The following AJUBA variants were observed in gnomAD, a reference collection of about 807,000 sequenced individuals.
AJUBA encodes the protein ajuba LIM protein, also known as LIM domain-containing protein ajuba.
AJUBA carries 20 observed loss-of-function variants against 53.3 expected under a neutral mutation model. That is an observed-to-expected ratio of 0.38 (90% CI 0.26 to 0.55). The LOEUF (loss-of-function observed/expected upper bound fraction) is 0.55. AJUBA is among the 20% of genes least tolerant of loss of function. The pLI is 0.80. For missense variants in AJUBA, 580 were observed against 730.5 expected, an observed-to-expected ratio of 0.79 and a Z score of 2.38; for synonymous variants, 296 against 306.2, an observed-to-expected ratio of 0.97 and a Z score of 0.35.
rs778036002 is a variant in AJUBA, at chr14:22,981,921, G to A, written c.346C>T (p.Pro116Ser). 2 of 1,555,194 alleles carry A rather than the reference G, an allele frequency of 1.3e-6. No homozygotes were observed. Among genetic ancestry groups the A allele is most frequent in the South Asian group, 1.2e-5 (1 of 84,528 alleles). ...AAGCTAGAGCGGGGGCTGAGGGCCG[G>A]GGCCGTGGGCTCCAGCCGAAAATCG... Reference protein sequence around the residue: ...PPDFRLEPTAPALSPRSSFAS... With the variant: ...PPDFRLEPTASALSPRSSFAS... The change falls in exon 1 of 8, where the codon CCG (proline) becomes TCG (serine). Residue 116 changes from proline to serine, a missense_variant. Pro to Ser is a moderately conservative substitution (Grantham distance 74, BLOSUM62 -1). This residue lies in a region of AJUBA where 430 missense variants were observed against 471.5 expected (regional missense o/e 0.91). Coordinates refer to ENST00000262713, the MANE Select transcript of AJUBA (RefSeq NM_032876.6).
At chr14:22,974,136 T>G (rs201260056) in intron 6 of AJUBA, 21 bp from the exon 7 acceptor site, 1 of 1,613,856 alleles carries the variant, frequency 6.2e-7, no homozygotes, top group African/African-American at 1.3e-5. Context: ...CAGACCCCCA[T>G]GGAGATGAGA....
At chr14:22,975,194 A>C in intron 4 of AJUBA, 90 bp from the exon 5 acceptor site, 12 of 1,504,504 alleles carry the variant, frequency 8.0e-6, no homozygotes, top group Non-Finnish European at 1.1e-5. Context: ...CATTAACCTC[A>C]TCCAACCCGC....
In AJUBA at chr14:22,981,837, G is replaced by C. The variant is rs2045101654; in HGVS notation, c.430C>G (p.Leu144Val). The change falls in exon 1 of 8, where the codon CTG becomes GTG. Residue 144 changes from leucine to valine, a missense_variant. Coordinates refer to ENST00000262713, the MANE Select transcript of AJUBA (RefSeq NM_032876.6). Reference protein sequence around the residue: ...KPSSPRGSLLLDGAGAGGAGG... With the variant: ...KPSSPRGSLLVDGAGAGGAGG... ...GCTCCGCCAGCCCCCGCCCCGTCCA[G>C]CAGCAGGCTGCCCCGGGGGCTGGAC... 1 of 1,533,688 alleles carries C rather than the reference G, an allele frequency of 6.5e-7. No homozygotes were observed. Among genetic ancestry groups the C allele is most frequent in the Admixed American group, 2.0e-5 (1 of 50,748 alleles).
At position 22,973,432 on chromosome 14, in the gene AJUBA, G is replaced by C; in HGVS notation, c.*11C>G. 6.2e-7 allele frequency: 1 copy of C among 1,603,282 alleles called. No individual in the cohort carries two copies. Among genetic ancestry groups the C allele is most frequent in the East Asian group, 2.3e-5 (1 of 44,408 alleles). On this transcript the variant is annotated 3_prime_UTR_variant, in exon 8 of 8. Coordinates refer to ENST00000262713, the MANE Select transcript of AJUBA (RefSeq NM_032876.6). ...TGTCTGCAGGGTGACAGCAGCAGCA[G>C]TGATTGCAGCTCAGATATAGTTGGC...
chr14:22,976,591 C>T, intron 3 of AJUBA, 54 bp downstream of exon 3: 2 of 1,612,976 alleles, frequency 1.2e-6, no homozygotes, highest in South Asian at 2.2e-5. Flanking sequence ...AATGGGCCAC[C>T]AAGAAGGGGG....
intron 2 of AJUBA, 185 bp from the exon 3 acceptor site, chr14:22,976,897 A>C: frequency 7.1e-7 from 1 of 1,412,100 alleles, no homozygotes; most frequent in South Asian, 1.6e-5. Flanking sequence ...CTTTGGCTTC[A>C]TTCCAGCCAA....
intron 1 of AJUBA, chr14:22,978,726 T>G: frequency 7.3e-6 from 9 of 1,234,690 alleles, no homozygotes; most frequent in Non-Finnish European, 9.3e-6. Context: ...GAAGATATGG[T>G]CCCTGGCATT....
Position 22,974,130 on chromosome 14 carries a change from C to T in AJUBA, c.1423-15G>A. 5 of 1,613,972 alleles carry T rather than the reference C, an allele frequency of 3.1e-6. No homozygotes were observed. Among genetic ancestry groups the T allele is most frequent in the Non-Finnish European group, 4.2e-6 (5 of 1,179,882 alleles). On this transcript the variant is annotated splice_polypyrimidine_tract_variant and intron_variant, in intron 6 of 7. Coordinates refer to ENST00000262713, the MANE Select transcript of AJUBA (RefSeq NM_032876.6). ...TCCTCACAGCCCTGAAACATGCAGA[C>T]CCCCATGGAGATGAGAGCAGCATGT...
intron 7 of AJUBA, 111 bp from the exon 8 acceptor site, chr14:22,973,679 T>A: frequency 6.9e-7 from 1 of 1,449,474 alleles, no homozygotes; most frequent in Non-Finnish European, 9.4e-7. Context: ...AAGAAAGGGA[T>A]GGGGTGGGAA....
At position 22,982,515 on chromosome 14, in the gene AJUBA, C is replaced by G. The variant is rs1405206746; in HGVS notation, c.-249G>C. The G allele has an allele frequency of 1.3e-5, 18 of 1,381,344 alleles. No individual in the cohort carries two copies. The highest frequency in any genetic ancestry group is 1.5e-5 in the Non-Finnish European group (16 of 1,071,836). 85.6% of individuals were successfully genotyped at this position (1,381,344 alleles called of 1,614,324 possible). A position where few individuals can be genotyped will look rare whatever the true frequency, so the allele number is the denominator to read the frequency against. ...GGTCTCTGGCCGCGGCTGTCCAGTCCGCAGGTCTATCTGTTCACGCGTCGA... is the reference window on the plus strand; with the variant it reads ...GGTCTCTGGCCGCGGCTGTCCAGTCGGCAGGTCTATCTGTTCACGCGTCGA... On this transcript the variant is annotated 5_prime_UTR_variant, in exon 1 of 8. Transcript: ENST00000262713.
chr14:22,973,146 A>G lies in AJUBA; in HGVS notation c.*297T>C, dbSNP rs1051751997. ...CATCTCTAAAACAAACAAAATATAT[A>G]TACTGAAGATACAGAATCAGATGTT... is the stretch of plus-strand genomic sequence containing the variant. On this transcript the variant is annotated 3_prime_UTR_variant, in exon 8 of 8. Coordinates refer to ENST00000262713, the MANE Select transcript of AJUBA (RefSeq NM_032876.6). 2 of 379,750 alleles carry G rather than the reference A, an allele frequency of 5.3e-6. No individual in the cohort carries two copies. Among genetic ancestry groups the G allele is most frequent in the East Asian group, 5.7e-5 (1 of 17,694 alleles). The allele number at this position is 379,750 out of a possible 1,614,324, so 23.5% of individuals were successfully genotyped here.
intron 4 of AJUBA, 109 bp from the exon 5 acceptor site, chr14:22,975,213 T>C: frequency 7.0e-7 from 1 of 1,427,068 alleles, no homozygotes. Flanking sequence ...GCTGCTATAC[T>C]CCCAGAACAA....
In AJUBA at chr14:22,973,544, C is replaced by T. The variant is rs943720205; in HGVS notation, c.1516G>A (p.Glu506Lys). The T allele has an allele frequency of 1.2e-6, 2 of 1,614,088 alleles. No individual in the cohort carries two copies. The highest frequency in any genetic ancestry group is 2.2e-5 in the South Asian group (2 of 91,084). Residue 506 changes from glutamate (E) to lysine (K), a missense_variant, in exon 8 of 8, where the codon GAG (glutamate) becomes AAG (lysine). Glu to Lys is a moderately conservative substitution (Grantham distance 56). Coordinates refer to ENST00000262713, the MANE Select transcript of AJUBA (RefSeq NM_032876.6). ...AGAGGGAAACAGCAGCAGCCTTCCT[C>T]ATCACTCAGCTGCATCCGGCAGTCC... The part of the protein sequence containing the change: ...CEDCRMQLSD[E>K]EGCCCFPLDG...
chr14:22,980,201 T>A (rs1008998292), intron 1 of AJUBA, among the ~76,000 whole-genome samples: 13 of 152,216 alleles, frequency 8.5e-5, no homozygotes, highest in African/African-American at 2.2e-4. Flanking sequence ...CCCACAGCCC[T>A]TAGGCGGTAA....
chr14:22,972,076 T>G lies in AJUBA; in HGVS notation c.*1367A>C, dbSNP rs1201703356. ...GATATAAACACACCAAAATAGGAAT[T>G]GAGCTTTTGGCAAATTAGTCATTAA... On this transcript the variant is annotated 3_prime_UTR_variant, in exon 8 of 8. Coordinates refer to ENST00000262713, the MANE Select transcript of AJUBA (RefSeq NM_032876.6). 1 of 152,600 alleles carries G rather than the reference T, an allele frequency of 6.6e-6. No individual in the cohort carries two copies. The highest frequency in any genetic ancestry group is 2.4e-5 in the African/African-American group (1 of 41,446). The allele number at this position is 152,600 out of a possible 1,614,324, so 9.5% of individuals were successfully genotyped here. A position where few individuals can be genotyped will look rare whatever the true frequency, so the allele number is the denominator to read the frequency against.
Position 22,981,788 on chromosome 14 carries a change from T to G in AJUBA, c.479A>C (p.Asn160Thr). Reference sequence around the variant, plus strand: ...GCCCATGCTGATGCCGCTGGTGCGATTGCTGCAGGGCCGGCTACCTCCAGC... The same window carrying G: ...GCCCATGCTGATGCCGCTGGTGCGAGTGCTGCAGGGCCGGCTACCTCCAGC... ...GGAGGSRPCS[N>T]RTSGISMGYD... Residue 160 changes from asparagine to threonine, a missense_variant, in exon 1 of 8, where the codon AAT becomes ACT. Transcript: ENST00000262713. 1 of 1,534,296 alleles carries G rather than the reference T, an allele frequency of 6.5e-7. No homozygotes were observed. The highest frequency in any genetic ancestry group is 8.7e-7 in the Non-Finnish European group (1 of 1,146,304).
chr14:22,979,557 G>A lies in AJUBA; in HGVS notation c.1007-1112C>T, dbSNP rs2045068489. On this transcript the variant is annotated intron_variant, in intron 1 of 7. Transcript: ENST00000262713. This position sits in a 1 kb window ranked among gnomAD's most constrained non-coding sequence, Gnocchi z 4.0. The stretch of plus-strand genomic sequence containing the variant: ...GGGCTAGCGGCACAAGGGGTATGTA[G>A]GGGTTCTGTCAAAGGAGGCAACCTG... Among the ~76,000 whole-genome samples the A allele has an allele frequency of 6.6e-6, 1 of 152,184 alleles. No individual in the cohort carries two copies. The highest frequency in any genetic ancestry group is 2.4e-5 in the African/African-American group (1 of 41,418).
At chr14:22,978,659 G>A (rs2045060130) in intron 1 of AJUBA, 5 of 1,335,826 alleles carry the variant, frequency 3.7e-6, no homozygotes, top group Admixed American at 6.2e-5. Flanking sequence ...GATATTTTCT[G>A]AGCATCTGTT....
rs760740789 is a variant in AJUBA at position 22,980,600 on chromosome 14, C to T, written c.1006+661G>A. On this transcript the variant is annotated intron_variant, in intron 1 of 7. Coordinates refer to ENST00000262713, the MANE Select transcript of AJUBA (RefSeq NM_032876.6). The stretch of plus-strand genomic sequence containing the variant: ...GTCTCTGATTAAATGCCCACGCACG[C>T]ACCTAGCCAACAGGACTGGGGAGGG... 1.2e-4 allele frequency: 123 copies of T among 985,408 alleles called. 1 individual carries two copies. In the African/African-American group the frequency reaches 1.8e-3, roughly 14 times the overall value. The allele number at this position is 985,408 out of a possible 1,614,324, so 61.0% of individuals were successfully genotyped here. A position where few individuals can be genotyped will look rare whatever the true frequency, so the allele number is the denominator to read the frequency against.
Sources: gnomAD v4.1 joint callset for allele counts (sites outside exome capture counted in the v4.1 genomes callset) on GRCh38, gnomAD v4.1.1 for gene constraint, gnomAD v4.1.1 regional missense constraint, Gnocchi (gnomAD v3.1) non-coding constraint, MANE v1.5 for transcripts, NCBI Gene and HGNC (gene_info 2026-07-23, HGNC 2026-07-21) for gene names.